AGMO: variants seen among roughly 807,000 people sequenced by gnomAD.
AGMO encodes the protein glyceryl-ether monooxygenase.
In AGMO, 75 loss-of-function variants were observed where a neutral mutation model predicts 60.2. The observed-to-expected ratio is 1.25, with a 90% confidence interval of 1.03 to 1.51. The LOEUF (loss-of-function observed/expected upper bound fraction) is 1.51. Ranked by LOEUF, AGMO falls within the 40% of genes most tolerant of loss-of-function variation. The pLI is 0.00. For missense variants in AGMO, 763 were observed against 525.5 expected, an observed-to-expected ratio of 1.45 and a Z score of -4.42; for synonymous variants, 261 against 177.1, an observed-to-expected ratio of 1.47 and a Z score of -3.76.
At chr7:15,276,239 C>A (rs180867828) in intron 12 of AGMO, among the ~76,000 whole-genome samples, 1 of 152,162 alleles carries the variant, frequency 6.6e-6, no homozygotes, top group Non-Finnish European at 1.5e-5. Context: ...GTGACAAATA[C>A]CCTTAGCATT....
chr7:15,464,567 G>T (rs1304668198), intron 3 of AGMO, among the ~76,000 whole-genome samples: 2 of 152,078 alleles, frequency 1.3e-5, no homozygotes, highest in African/African-American at 4.8e-5. Flanking sequence ...GGCCACATTA[G>T]TTTCAAAAAA....
Position 15,367,019 on chromosome 7 carries a change from G to A in AGMO, c.1075-797C>T, listed in dbSNP as rs1045311502. ...AGAATTCTAATTTAAGTACATGTAC[G>A]GCAGTCTTTTTTTATTGTTTAAAAT... is the stretch of plus-strand genomic sequence containing the variant. On this transcript the variant is annotated intron_variant, in intron 10 of 12. Transcript: ENST00000342526. Among the ~76,000 whole-genome samples the A allele has an allele frequency of 2.6e-5, 4 of 151,820 alleles. No homozygotes were observed. The South Asian group carries it at 6.2e-4, about 24-fold the overall frequency.
At chr7:15,344,424 G>A (rs1311406697) in intron 12 of AGMO, among the ~76,000 whole-genome samples, 1 of 152,142 alleles carries the variant, frequency 6.6e-6, no homozygotes, top group Non-Finnish European at 1.5e-5. Context: ...GCTAGGCCAG[G>A]TATTGTAGCT....
chr7:15,222,250 A>T (rs748119539), intron 12 of AGMO, among the ~76,000 whole-genome samples: 13 of 152,208 alleles, frequency 8.5e-5, no homozygotes, highest in Admixed American at 3.3e-4. Flanking sequence ...TAGAATCCTG[A>T]CATTACTCAA....
intron 12 of AGMO, among the ~76,000 whole-genome samples, chr7:15,312,806 C>G (rs916038664): frequency 6.6e-6 from 1 of 151,626 alleles, no homozygotes; most frequent in African/African-American, 2.4e-5. Context: ...GTAGCTGGGA[C>G]CACAGCTGAG....
chr7:15,151,887 A>G, the AGMO span, among the ~76,000 whole-genome samples: 1 of 152,272 alleles, frequency 6.6e-6, no homozygotes, highest in South Asian at 2.1e-4. Flanking sequence ...TGATCTATCT[A>G]ACACTGTTAG....
intron 3 of AGMO, among the ~76,000 whole-genome samples, chr7:15,450,964 T>C (rs1054581309): frequency 1.3e-5 from 2 of 152,176 alleles, no homozygotes; most frequent in East Asian, 1.9e-4. Context: ...CAATAGATTA[T>C]GCTAACTGTT....
chr7:15,305,419 G>A (rs533194254), intron 12 of AGMO, among the ~76,000 whole-genome samples: 5 of 151,874 alleles, frequency 3.3e-5, no homozygotes, highest in Non-Finnish European at 5.9e-5. Context: ...CCGTGCATCT[G>A]GGTTCACTGG....
intron 12 of AGMO, among the ~76,000 whole-genome samples, chr7:15,235,279 T>C (rs1367848079): frequency 2.0e-5 from 3 of 152,154 alleles, no homozygotes; most frequent in Non-Finnish European, 4.4e-5. Context: ...CCATTGGCGC[T>C]TTCCTTAATG....
chr7:15,370,267 A>G (rs934295895), intron 10 of AGMO, among the ~76,000 whole-genome samples: 12 of 152,206 alleles, frequency 7.9e-5, no homozygotes, highest in African/African-American at 2.9e-4. Context: ...TCCATGGTAT[A>G]TATGTAACAC....
intron 12 of AGMO, among the ~76,000 whole-genome samples, chr7:15,260,212 G>GAAAAA (rs753533328): frequency 9.1e-6 from 1 of 109,948 alleles, no homozygotes; most frequent in African/African-American, 3.2e-5. Context: ...ACAGAGCGAG[G>GAAAAA]AAAAAAAAAA....
chr7:15,309,178 T>C lies in AGMO; in HGVS notation c.1263+56336A>G, dbSNP rs377527165. ...GAAGACAAGCCCTGCTAAAAATCCT[T>C]TGGGGGAACATCTTAATTGCAACTA... On this transcript the variant is annotated intron_variant, in intron 12 of 12. Coordinates refer to ENST00000342526, the MANE Select transcript of AGMO (RefSeq NM_001004320.2). Among the ~76,000 whole-genome samples the C allele has an allele frequency of 1.2e-4, 18 of 152,194 alleles. No individual in the cohort carries two copies. In the East Asian group the frequency reaches 3.1e-3, roughly 26 times the overall value.
intron 12 of AGMO, among the ~76,000 whole-genome samples, chr7:15,342,224 T>G (rs1288809617): frequency 7.4e-6 from 1 of 134,700 alleles, no homozygotes; most frequent in African/African-American, 3.0e-5. Flanking sequence ...ACTAAGAGAC[T>G]TAGAGATTGG....
the AGMO span, among the ~76,000 whole-genome samples, chr7:15,159,752 C>G: frequency 6.6e-6 from 1 of 152,136 alleles, no homozygotes; most frequent in Non-Finnish European, 1.5e-5. Context: ...TGTGAATTCT[C>G]AGAAAAAATA....
intron 12 of AGMO, among the ~76,000 whole-genome samples, chr7:15,266,684 G>GATC (rs1783442085): frequency 6.6e-6 from 1 of 151,644 alleles, no homozygotes; most frequent in Admixed American, 6.6e-5. Context: ...TTTCCTTGAT[G>GATC]AGTTTTCATT....
chr7:15,447,875 T>A lies in AGMO; in HGVS notation c.410-16767A>T, dbSNP rs1562512338. 2.0e-5 allele frequency among the ~76,000 whole-genome samples: 3 copies of A among 152,146 alleles called. No individual in the cohort carries two copies. In the South Asian group the frequency reaches 6.2e-4, roughly 32 times the overall value. Reference sequence around the variant, plus strand: ...CCTGCAATGTTCTCACTTCTATGAGTGAGTTAAGGTATTATCTTTCATAAA... The same window carrying A: ...CCTGCAATGTTCTCACTTCTATGAGAGAGTTAAGGTATTATCTTTCATAAA... On this transcript the variant is annotated intron_variant, in intron 3 of 12. Coordinates refer to ENST00000342526, the MANE Select transcript of AGMO (RefSeq NM_001004320.2).
rs1422335909 is a variant in AGMO, at chr7:15,343,145, C to T, written c.1263+22369G>A. ...TATGATATTCAGATTCTGAAGACAT[C>T]GTGTTCAATTGTATATTGGTGTGAT... On this transcript the variant is annotated intron_variant, in intron 12 of 12. Coordinates refer to ENST00000342526, the MANE Select transcript of AGMO (RefSeq NM_001004320.2). Among the ~76,000 whole-genome samples, 4 of 152,138 alleles carry T rather than the reference C, an allele frequency of 2.6e-5. No individual in the cohort carries two copies. In the East Asian group the frequency reaches 5.8e-4, roughly 22 times the overall value.
intron 3 of AGMO, among the ~76,000 whole-genome samples, chr7:15,507,179 A>G (rs1783535041): frequency 6.6e-6 from 1 of 152,094 alleles, no homozygotes; most frequent in Admixed American, 6.6e-5. Flanking sequence ...ACAAAGTGCT[A>G]TCAGCATATA....
At chr7:15,475,896 A>C (rs536782649) in intron 3 of AGMO, among the ~76,000 whole-genome samples, 1 of 152,242 alleles carries the variant, frequency 6.6e-6, no homozygotes, top group African/African-American at 2.4e-5. Context: ...CATAAGATCT[A>C]AACATATTTA....
Sources: gnomAD v4.1 joint callset for allele counts (sites outside exome capture counted in the v4.1 genomes callset) on GRCh38, gnomAD v4.1.1 for gene constraint, MANE v1.5 for transcripts, NCBI Gene and HGNC (gene_info 2026-07-23, HGNC 2026-07-21) for gene names.